The following DNAJA3 variants were observed in gnomAD, a reference collection of about 807,000 sequenced individuals.
The protein encoded by DNAJA3 is DnaJ heat shock protein family (Hsp40) member A3.
Under a neutral mutation model 54.9 loss-of-function variants are expected in DNAJA3, and 29 were observed. The observed-to-expected ratio is 0.53, with a 90% confidence interval of 0.39 to 0.72. The LOEUF is 0.72. Ranked by LOEUF, DNAJA3 falls within the 30% of genes least tolerant of loss-of-function variation. The pLI, the probability that DNAJA3 is intolerant of heterozygous loss-of-function variation, is 0.00. For synonymous variants in DNAJA3, 302 were observed against 251.4 expected, an observed-to-expected ratio of 1.20 and a Z score of -1.90; for missense variants, 708 against 639.4, an observed-to-expected ratio of 1.11 and a Z score of -1.16.
At chr16:4,450,374 G>T in intron 9 of DNAJA3, 26 bp from the exon 10 acceptor site, 1 of 1,569,446 alleles carries the variant, frequency 6.4e-7, no homozygotes, top group East Asian at 2.3e-5. Flanking sequence ...CGGAAGCCTT[G>T]GCTGCTGACT....
chr16:4,452,069 C>CA (rs1405662834), intron 10 of DNAJA3, among the ~76,000 whole-genome samples: 2 of 151,734 alleles, frequency 1.3e-5, no homozygotes, highest in East Asian at 1.9e-4. Context: ...GACTCTGTCT[C>CA]AAAAAAACAA....
chr16:4,427,556 C>G (rs1259867048), intron 1 of DNAJA3, among the ~76,000 whole-genome samples: 2 of 152,222 alleles, frequency 1.3e-5, no homozygotes, highest in Non-Finnish European at 2.9e-5. Context: ...TCTGAAAATT[C>G]ATTCATTCAC....
chr16:4,438,732 C>A (rs1290047612), intron 3 of DNAJA3, among the ~76,000 whole-genome samples: 1 of 151,036 alleles, frequency 6.6e-6, no homozygotes, highest in Admixed American at 6.6e-5. Flanking sequence ...CTGCCTCAGC[C>A]TCTCAAATTG....
rs368604771 is a variant in DNAJA3 at position 4,425,877 on chromosome 16, C to T, written c.-5C>T. ...GCGGCGCAGGCGCAGAGTCCCCGGG[C>T]CAAGATGGCTGCGCGGTGCTCCACA... is the stretch of plus-strand genomic sequence containing the variant. On this transcript the variant is annotated 5_prime_UTR_variant, in exon 1 of 12. Coordinates refer to ENST00000262375, the MANE Select transcript of DNAJA3 (RefSeq NM_005147.6). The T allele has an allele frequency of 2.0e-6, 3 of 1,527,866 alleles. No individual in the cohort carries two copies. The highest frequency in any genetic ancestry group is 1.4e-5 in the African/African-American group (1 of 71,120). The allele number at this position is 1,527,866 out of a possible 1,614,324, so 94.6% of individuals were successfully genotyped here.
chr16:4,426,924 C>CTTTTCT (rs2056631359), intron 1 of DNAJA3: 2 of 147,248 alleles, frequency 1.4e-5, no homozygotes, highest in Non-Finnish European at 3.0e-5. Flanking sequence ...CTTTTCTTTT[C>CTTTTCT]TTTTTTTTTT....
intron 9 of DNAJA3, among the ~76,000 whole-genome samples, chr16:4,449,231 A>T (rs140739078): frequency 6.6e-5 from 10 of 152,152 alleles, no homozygotes; most frequent in African/African-American, 1.9e-4. Context: ...CTCCTGACCT[A>T]GTGATCCACC....
chr16:4,434,186 T>A lies in DNAJA3; in HGVS notation c.212-198T>A, dbSNP rs111854751. 9.3e-3 allele frequency: 5,367 copies of A among 574,202 alleles called. 212 individuals carry two copies. Among genetic ancestry groups the A allele is most frequent in the African/African-American group, 0.086 (4,524 of 52,650 alleles). 35.6% of individuals were successfully genotyped at this position (574,202 alleles called of 1,614,324 possible). A position where few individuals can be genotyped will look rare whatever the true frequency, so the allele number is the denominator to read the frequency against. Reference sequence around the variant, plus strand: ...GGAGGTAACCGCTCCTGTGATTCAGTTACCTCCCATCAGGTCCCTCCCATG... The same window carrying A: ...GGAGGTAACCGCTCCTGTGATTCAGATACCTCCCATCAGGTCCCTCCCATG... On this transcript the variant is annotated intron_variant, in intron 1 of 11. Transcript: ENST00000262375.
intron 1 of DNAJA3, chr16:4,431,034 A>C (rs1024054891): frequency 1.3e-5 from 2 of 152,060 alleles, no homozygotes; most frequent in Non-Finnish European, 2.9e-5. Context: ...ACAGAGTGAG[A>C]CTCTGTCTCA....
rs2056785343 is a variant in DNAJA3, at chr16:4,437,495, C to T, written c.429+10C>T. Reference sequence around the variant, plus strand: ...GGCAGAAGCCTATGAGGTAATATGACTTCGGTGCATGCGGTCACTGCTGTT... The same window carrying T: ...GGCAGAAGCCTATGAGGTAATATGATTTCGGTGCATGCGGTCACTGCTGTT... On this transcript the variant is annotated intron_variant, in intron 3 of 11. Transcript: ENST00000262375. 6.2e-7 allele frequency: 1 copy of T among 1,611,316 alleles called. No homozygotes were observed. The highest frequency in any genetic ancestry group is 1.3e-5 in the African/African-American group (1 of 74,918).
chr16:4,451,834 G>C (rs1359521682), intron 10 of DNAJA3, among the ~76,000 whole-genome samples: 1 of 151,052 alleles, frequency 6.6e-6, no homozygotes, highest in Admixed American at 6.6e-5. Flanking sequence ...GCCGAGGAGG[G>C]TGGATCACGA....
intron 11 of DNAJA3, 68 bp downstream of exon 11, chr16:4,454,995 C>T: frequency 8.7e-7 from 1 of 1,144,400 alleles, no homozygotes; most frequent in Admixed American, 2.0e-5. Context: ...TTTTCTCCCA[C>T]TTTAACCAAT....
rs772618338 is a variant in DNAJA3, at chr16:4,441,392, G to A, written c.447G>A (p.Val149=). 2 of 1,613,486 alleles carry A rather than the reference G, an allele frequency of 1.2e-6. No homozygotes were observed. The highest frequency in any genetic ancestry group is 3.3e-5 in the Admixed American group (2 of 59,996). ...AEAYEVLSDE[V]KRKQYDAYGS... Reference sequence around the variant, plus strand: ...CACTGTAGGTTTTGAGTGATGAGGTGAAGAGGAAGCAGTACGATGCCTACG... The same window carrying A: ...CACTGTAGGTTTTGAGTGATGAGGTAAAGAGGAAGCAGTACGATGCCTACG... The change falls in exon 4 of 12, where the codon GTG becomes GTA. Residue 149 remains valine, a synonymous_variant. Coordinates refer to ENST00000262375, the MANE Select transcript of DNAJA3 (RefSeq NM_005147.6).
In DNAJA3 at chr16:4,451,751, T is replaced by TG. The variant is rs1251032384; in HGVS notation, c.1339+1255dup. Among the ~76,000 whole-genome samples the TG allele has an allele frequency of 2.2e-3, 160 of 72,644 alleles. 2 individuals are homozygous for TG. Among genetic ancestry groups the TG allele is most frequent in the African/African-American group, 0.01 (150 of 14,450 alleles). The allele number at this position is 72,644 out of a possible 152,430, so 47.7% of individuals were successfully genotyped here. ...CAGCTTGGGTGACAGTGAGACTCTCTGAAAAAAAAAAAAAAAAAAAAAAAA... is the reference window on the plus strand; with the variant it reads ...CAGCTTGGGTGACAGTGAGACTCTCTGGAAAAAAAAAAAAAAAAAAAAAAAA... On this transcript the variant is annotated intron_variant, in intron 10 of 11. Transcript: ENST00000262375.
At chr16:4,452,992 A>G (rs553390421) in intron 10 of DNAJA3, among the ~76,000 whole-genome samples, 1 of 152,316 alleles carries the variant, frequency 6.6e-6, no homozygotes. Flanking sequence ...TTAGTTTTGC[A>G]TCCACATATG....
At chr16:4,453,407 G>A (rs1222855659) in intron 10 of DNAJA3, among the ~76,000 whole-genome samples, 2 of 151,902 alleles carry the variant, frequency 1.3e-5, no homozygotes, top group African/African-American at 2.4e-5. Context: ...TTTTGAGTGA[G>A]AGACACAGTA....
intron 1 of DNAJA3, among the ~76,000 whole-genome samples, chr16:4,429,075 A>G (rs757967470): frequency 6.6e-6 from 1 of 151,140 alleles, no homozygotes; most frequent in Non-Finnish European, 1.5e-5. Context: ...TTTTTAGTAG[A>G]GATGGAGTTT....
intron 11 of DNAJA3, among the ~76,000 whole-genome samples, chr16:4,455,282 A>G (rs1041329653): frequency 1.3e-5 from 2 of 152,070 alleles, no homozygotes; most frequent in Non-Finnish European, 1.5e-5. Context: ...TAGAACTCAG[A>G]TCTCCTCACG....
chr16:4,438,493 T>C (rs950669028), intron 3 of DNAJA3, among the ~76,000 whole-genome samples: 1 of 152,144 alleles, frequency 6.6e-6, no homozygotes, highest in Non-Finnish European at 1.5e-5. Context: ...GAGGTTATTG[T>C]AAAAGTAGAA....
chr16:4,435,794 A>G (rs1398434934), intron 2 of DNAJA3, among the ~76,000 whole-genome samples: 1 of 152,206 alleles, frequency 6.6e-6, no homozygotes, highest in Non-Finnish European at 1.5e-5. Flanking sequence ...AGACATTCAT[A>G]TGTAAGTTTT....
Sources: gnomAD v4.1 joint callset for allele counts (sites outside exome capture counted in the v4.1 genomes callset) on GRCh38, gnomAD v4.1.1 for gene constraint, MANE v1.5 for transcripts, NCBI Gene and HGNC (gene_info 2026-07-23, HGNC 2026-07-21) for gene names.